Variants in IPCEF1 observed in about 807,000 individuals in gnomAD.
The protein encoded by IPCEF1 is interactor protein for cytohesin exchange factors 1.
In IPCEF1, 31 loss-of-function variants were observed where a neutral mutation model predicts 50.9. The ratio of observed to expected loss-of-function variants is 0.61; its 90% confidence interval spans 0.46 to 0.82. IPCEF1 has a LOEUF of 0.82. Among genes scored for constraint, IPCEF1 ranks in the 40% least tolerant of loss-of-function variants. The probability of loss-of-function intolerance (pLI) is 0.00; values close to 1 mark genes in which losing one functional copy is unlikely to be tolerated. For missense variants in IPCEF1, 458 were observed against 514.0 expected, an observed-to-expected ratio of 0.89 and a Z score of 1.05; for synonymous variants, 181 against 192.0, an observed-to-expected ratio of 0.94 and a Z score of 0.47.
chr6:154,186,189 T>A (rs1464463071), intron 10 of IPCEF1, among the ~76,000 whole-genome samples: 1 of 152,248 alleles, frequency 6.6e-6, no homozygotes, highest in Non-Finnish European at 1.5e-5. Flanking sequence ...CAGACTTGAC[T>A]TCTCTACCTG....
chr6:154,218,604 GA>G (rs766259496), intron 7 of IPCEF1, among the ~76,000 whole-genome samples: 16 of 152,190 alleles, frequency 1.1e-4, no homozygotes, highest in Non-Finnish European at 2.1e-4. Context: ...AGTAAGAAGG[GA>G]AGTTCTTCAT....
At chr6:154,341,712 AATCT>A (rs1783922317) in intron 1 of IPCEF1, among the ~76,000 whole-genome samples, 1 of 152,200 alleles carries the variant, frequency 6.6e-6, no homozygotes, top group African/African-American at 2.4e-5. Context: ...CTAATTGTGA[AATCT>A]ATTAAATGAT....
Position 154,159,741 on chromosome 6 carries a change from T to G in IPCEF1, c.*87A>C. ...ATGCTTGAAGGACTGGGTTTCAGTT[T>G]TCCTTTTAAGGAAAAATGTAAGCTT... On this transcript the variant is annotated 3_prime_UTR_variant, in exon 12 of 12. Coordinates refer to ENST00000367220, the MANE Select transcript of IPCEF1 (RefSeq NM_001130700.2). 2 of 1,054,530 alleles carry G rather than the reference T, an allele frequency of 1.9e-6. No homozygotes were observed. Among genetic ancestry groups the G allele is most frequent in the Non-Finnish European group, 2.8e-6 (2 of 710,784 alleles). 65.3% of individuals were successfully genotyped at this position (1,054,530 alleles called of 1,614,324 possible).
At chr6:154,269,521 A>G (rs1257706490) in intron 2 of IPCEF1, among the ~76,000 whole-genome samples, 1 of 151,974 alleles carries the variant, frequency 6.6e-6, no homozygotes, top group East Asian at 1.9e-4. Flanking sequence ...AAAAAAATAG[A>G]GACAGGGTCT....
intron 2 of IPCEF1, among the ~76,000 whole-genome samples, chr6:154,285,279 A>G (rs999076954): frequency 5.9e-5 from 9 of 152,296 alleles, no homozygotes; most frequent in South Asian, 2.1e-4. Context: ...GCAACAGGAA[A>G]CCTTTCACTT....
rs1277366338 is a variant in IPCEF1 at position 154,159,890 on chromosome 6, C to T, written c.1255G>A (p.Asp419Asn). ...QRASPAPDDT[D>N]DTPQELKKSP... ...TTCTTGAGTTCCTGGGGGGTGTCAT[C>T]AGTGTCATCAGGGGCAGGCGAAGCC... Residue 419 changes from aspartate to asparagine, a missense_variant, in exon 12 of 12, where the codon GAT becomes AAT. Coordinates refer to ENST00000367220, the MANE Select transcript of IPCEF1 (RefSeq NM_001130700.2). 4 of 1,613,466 alleles carry T rather than the reference C, an allele frequency of 2.5e-6. No homozygotes were observed. Among genetic ancestry groups the T allele is most frequent in the Non-Finnish European group, 3.4e-6 (4 of 1,179,866 alleles).
chr6:154,235,655 C>G (rs1780072642), intron 5 of IPCEF1, among the ~76,000 whole-genome samples: 1 of 151,930 alleles, frequency 6.6e-6, no homozygotes, highest in Admixed American at 6.6e-5. Flanking sequence ...ACTTTCAAAT[C>G]TCTTCAAGCT....
chr6:154,336,020 C>A (rs573218251), intron 1 of IPCEF1, among the ~76,000 whole-genome samples: 1 of 152,202 alleles, frequency 6.6e-6, no homozygotes, highest in South Asian at 2.1e-4. Flanking sequence ...ACAAAAGTAA[C>A]AGATGCTGGT....
chr6:154,261,247 G>A (rs1316364496), intron 3 of IPCEF1, among the ~76,000 whole-genome samples: 4 of 151,876 alleles, frequency 2.6e-5, no homozygotes, highest in Non-Finnish European at 4.4e-5. Context: ...GGCTGGTCTC[G>A]AACTCCTGGC....
intron 5 of IPCEF1, among the ~76,000 whole-genome samples, chr6:154,234,902 T>C (rs1261254177): frequency 1.3e-5 from 2 of 152,266 alleles, no homozygotes; most frequent in Non-Finnish European, 2.9e-5. Context: ...GATTGTCCTC[T>C]GCCGTGTAAA....
At chr6:154,274,046 C>A (rs548942441) in intron 2 of IPCEF1, among the ~76,000 whole-genome samples, 1 of 151,034 alleles carries the variant, frequency 6.6e-6, no homozygotes, top group African/African-American at 2.4e-5. Flanking sequence ...AGCCACCGTG[C>A]CTGGCTGCTT....
intron 1 of IPCEF1, among the ~76,000 whole-genome samples, chr6:154,331,378 A>AGAAG (rs1783659317): frequency 2.5e-4 from 32 of 126,650 alleles, no homozygotes; most frequent in African/African-American, 9.0e-4. Flanking sequence ...AAGGAAAGAA[A>AGAAG]GAAAGAAAGA....
At chr6:154,285,003 A>C (rs1782325435) in intron 2 of IPCEF1, among the ~76,000 whole-genome samples, 1 of 152,214 alleles carries the variant, frequency 6.6e-6, no homozygotes, top group Admixed American at 6.5e-5. Context: ...CCGACTCAAA[A>C]AAAAAGAAAT....
intron 3 of IPCEF1, among the ~76,000 whole-genome samples, chr6:154,250,992 T>C (rs1202296006): frequency 6.6e-6 from 1 of 152,180 alleles, no homozygotes; most frequent in African/African-American, 2.4e-5. Context: ...ATAGAGCTGT[T>C]AGGGATGTTC....
At chr6:154,281,563 G>A (rs188158038) in intron 2 of IPCEF1, among the ~76,000 whole-genome samples, 1 of 151,660 alleles carries the variant, frequency 6.6e-6, no homozygotes, top group Admixed American at 6.6e-5. Flanking sequence ...TTTCCTTGAA[G>A]TGAAATGGGC....
chr6:154,325,731 T>C (rs542094816), intron 1 of IPCEF1, among the ~76,000 whole-genome samples: 3 of 152,350 alleles, frequency 2.0e-5, no homozygotes, highest in South Asian at 4.1e-4. Flanking sequence ...ACTTAATTAA[T>C]GCTTTCTTTG....
chr6:154,332,934 G>T (rs1049312730), intron 1 of IPCEF1, among the ~76,000 whole-genome samples: 4 of 152,166 alleles, frequency 2.6e-5, no homozygotes, highest in Admixed American at 2.6e-4. Context: ...TGATGGAAAC[G>T]CTAAGGGGAT....
intron 10 of IPCEF1, among the ~76,000 whole-genome samples, chr6:154,180,492 T>C (rs902929418): frequency 1.2e-4 from 18 of 151,604 alleles, no homozygotes; most frequent in Non-Finnish European, 1.5e-4. Context: ...CAGTTATAAG[T>C]TCACTCCTTT....
At chr6:154,262,301 AT>A (rs1354635228) in intron 3 of IPCEF1, among the ~76,000 whole-genome samples, 1 of 152,240 alleles carries the variant, frequency 6.6e-6, no homozygotes, top group African/African-American at 2.4e-5. Context: ...CAGGTTACCT[AT>A]TATAGTGGTA....
Sources: allele counts gnomAD v4.1 joint callset (sites outside exome capture counted in the v4.1 genomes callset), GRCh38; gene constraint gnomAD v4.1.1; transcripts MANE v1.5; gene names NCBI Gene and HGNC (gene_info 2026-07-23, HGNC 2026-07-21).